The following KIAA0825 variants were observed in gnomAD, a reference collection of about 807,000 sequenced individuals.
KIAA0825 encodes KIAA0825, also known as uncharacterized protein KIAA0825.
KIAA0825 carries 119 observed loss-of-function variants against 147.6 expected under a neutral mutation model. The observed-to-expected ratio is 0.81, with a 90% CI of 0.69 to 0.94. The LOEUF is 0.94. KIAA0825 is among the 40% of genes least tolerant of loss of function. The probability of loss-of-function intolerance (pLI) is 0.00; values close to 1 mark genes in which losing one functional copy is unlikely to be tolerated. For missense variants in KIAA0825, 1,381 were observed against 1,472.7 expected (o/e 0.94, Z 1.02); for synonymous variants, 470 against 518.1 (o/e 0.91, Z 1.26).
At chr5:94,341,478 C>A (rs1027012961) in intron 20 of KIAA0825, among the ~76,000 whole-genome samples, 1 of 152,178 alleles carries the variant, frequency 6.6e-6, no homozygotes, top group Admixed American at 6.5e-5. Flanking sequence ...CTCAACGAAT[C>A]TGAATCACGG....
intron 20 of KIAA0825, among the ~76,000 whole-genome samples, chr5:94,237,063 GTGTGTGTGTCTGTGTC>G (rs1478893754): frequency 6.6e-6 from 1 of 151,852 alleles, no homozygotes; most frequent in East Asian, 1.9e-4. Flanking sequence ...GTGTGTGTGT[GTGTGTGTGTCTGTGTC>G]TGTGTGTGTA....
chr5:94,465,671 A>C (rs1241945402), intron 10 of KIAA0825, among the ~76,000 whole-genome samples: 2 of 152,232 alleles, frequency 1.3e-5, no homozygotes, highest in African/African-American at 4.8e-5. Context: ...GTCTGAGTTT[A>C]CAAGATTTTC....
At chr5:94,581,991 C>G (rs72773503) in intron 2 of KIAA0825, among the ~76,000 whole-genome samples, 4 of 152,132 alleles carry the variant, frequency 2.6e-5, no homozygotes, top group Non-Finnish European at 5.9e-5. Flanking sequence ...AGACAAGTCA[C>G]AAGTTAAACA....
At chr5:94,173,311 T>C (rs921704703) in intron 20 of KIAA0825, among the ~76,000 whole-genome samples, 1 of 152,150 alleles carries the variant, frequency 6.6e-6, no homozygotes, top group African/African-American at 2.4e-5. Flanking sequence ...AATAAAGCCA[T>C]TGGAAAGGTC....
chr5:94,611,800 T>G (rs1049851288), intron 1 of KIAA0825: 1 of 151,482 alleles, frequency 6.6e-6, no homozygotes, highest in South Asian at 2.1e-4. Flanking sequence ...TTAAAAAATT[T>G]TTTTACATAG....
intron 20 of KIAA0825, among the ~76,000 whole-genome samples, chr5:94,379,844 CTTTTTTTTTTTTTT>C (rs59886046): frequency 1.6e-4 from 9 of 55,724 alleles, no homozygotes; most frequent in South Asian, 1.3e-3. Flanking sequence ...GTATTTTATT[CTTTTTTTTTTTTTT>C]TTTTTTTTTT....
intron 20 of KIAA0825, among the ~76,000 whole-genome samples, chr5:94,357,243 C>CAT (rs10668381): frequency 0.21 from 31,942 of 151,934 alleles, 3,848 homozygotes; most frequent in Middle Eastern, 0.27. Flanking sequence ...AGCTAACACA[C>CAT]GTTAAAAGTG....
intron 7 of KIAA0825, among the ~76,000 whole-genome samples, chr5:94,474,800 T>C (rs1435055397): frequency 6.6e-6 from 1 of 152,126 alleles, no homozygotes; most frequent in Non-Finnish European, 1.5e-5. Flanking sequence ...TTATCTTATA[T>C]TTGCATAAAA....
At chr5:94,512,483 C>T (rs1766631538) in intron 5 of KIAA0825, among the ~76,000 whole-genome samples, 1 of 151,714 alleles carries the variant, frequency 6.6e-6, no homozygotes, top group Non-Finnish European at 1.5e-5. Context: ...GATATGGGTC[C>T]AGGCACAGTG....
At chr5:94,554,761 T>C (rs965072859) in intron 2 of KIAA0825, among the ~76,000 whole-genome samples, 4 of 119,436 alleles carry the variant, frequency 3.3e-5, no homozygotes, top group Non-Finnish European at 7.1e-5. Flanking sequence ...TATATATATA[T>C]GAATTCATTT....
chr5:94,358,214 T>C (rs1298269515), intron 20 of KIAA0825, among the ~76,000 whole-genome samples: 2 of 152,184 alleles, frequency 1.3e-5, no homozygotes, highest in African/African-American at 2.4e-5. Flanking sequence ...CAACTGCTTT[T>C]TCCCCAATCC....
chr5:94,467,953 G>T (rs1031537641), intron 10 of KIAA0825, among the ~76,000 whole-genome samples: 1 of 152,164 alleles, frequency 6.6e-6, no homozygotes, highest in South Asian at 2.1e-4. Flanking sequence ...TTTTTAGAAG[G>T]TTCTTATTTT....
chr5:94,580,270 T>C (rs1196528369), intron 2 of KIAA0825, among the ~76,000 whole-genome samples: 1 of 152,220 alleles, frequency 6.6e-6, no homozygotes, highest in Non-Finnish European at 1.5e-5. Flanking sequence ...TTTTGGTTGG[T>C]GGCTATCTTT....
At chr5:94,189,204 A>G (rs891574742) in intron 20 of KIAA0825, among the ~76,000 whole-genome samples, 1 of 152,122 alleles carries the variant, frequency 6.6e-6, no homozygotes, top group South Asian at 2.1e-4. Flanking sequence ...AATTCCTTCT[A>G]GTCTTGGCAT....
chr5:94,326,035 A>T (rs1203507814), intron 20 of KIAA0825, among the ~76,000 whole-genome samples: 2 of 152,128 alleles, frequency 1.3e-5, no homozygotes, highest in African/African-American at 2.4e-5. Flanking sequence ...ATAAAATTTG[A>T]TCCATAAAAT....
At chr5:94,600,868 G>A (rs1273600499) in intron 1 of KIAA0825, among the ~76,000 whole-genome samples, 8 of 152,272 alleles carry the variant, frequency 5.3e-5, no homozygotes, top group Middle Eastern at 3.4e-3. Context: ...CTTCCTAAAT[G>A]GGGGACTCCA....
intron 10 of KIAA0825, among the ~76,000 whole-genome samples, chr5:94,469,744 T>G (rs1760988035): frequency 6.6e-6 from 1 of 152,202 alleles, no homozygotes; most frequent in African/African-American, 2.4e-5. Flanking sequence ...TTAAGTTATT[T>G]TTACTTTTAA....
At chr5:94,461,988 C>A (rs946833446) in intron 12 of KIAA0825, among the ~76,000 whole-genome samples, 2 of 151,848 alleles carry the variant, frequency 1.3e-5, no homozygotes, top group Admixed American at 1.3e-4. Context: ...ATTTCTATTT[C>A]CATTTGCCAT....
Position 94,364,420 on chromosome 5 carries a change from C to T in KIAA0825, c.3710+19948G>A, listed in dbSNP as rs548870038. ...TTTTTGAGATGGAGTCTTGCTCTGT[C>T]GCCCAGGCTGGAGTGCAGTGACACG... On this transcript the variant is annotated intron_variant, in intron 20 of 20. Transcript: ENST00000682413. Among the ~76,000 whole-genome samples the T allele has an allele frequency of 2.6e-5, 4 of 151,696 alleles. No homozygotes were observed. The South Asian group carries it at 6.3e-4, about 24-fold the overall frequency.
Sources: allele counts gnomAD v4.1 joint callset (sites outside exome capture counted in the v4.1 genomes callset), GRCh38; gene constraint gnomAD v4.1.1; transcripts MANE v1.5; gene names NCBI Gene and HGNC (gene_info 2026-07-23, HGNC 2026-07-21).